Variants in COBL observed in about 807,000 individuals in gnomAD.
The protein encoded by COBL is cordon-bleu WH2 repeat protein.
COBL carries 51 observed loss-of-function variants against 98.8 expected under a neutral mutation model. The observed-to-expected ratio is 0.52, with a 90% CI of 0.41 to 0.65. The LOEUF is 0.65. COBL is among the 30% of genes least tolerant of loss of function. The pLI is 0.00. For synonymous variants in COBL, 634 were observed against 651.7 expected (o/e 0.97, Z 0.41); for missense variants, 1,617 against 1,617.5 (o/e 1.00, Z 0.01).
Position 51,027,805 on chromosome 7 carries a change from A to T in COBL, c.3291T>A (p.Pro1097=), listed in dbSNP as rs143645017. The change falls in exon 10 of 13, where the codon CCT becomes CCA. Residue 1097 remains proline (P), a synonymous_variant. Transcript: ENST00000265136. ...CTTTTGGGACTGGTCTCTGGACAAC[A>T]GGTTTGAATTTTTTCTTCGGCCCAA... ...SIFGPKKKFK[P]VVQRPVPKDT... 96 of 1,614,064 alleles carry T rather than the reference A, an allele frequency of 5.9e-5. No individual in the cohort carries two copies. Among genetic ancestry groups the T allele is most frequent in the Middle Eastern group, 4.9e-4 (3 of 6,084 alleles).
At chr7:51,098,201 T>C (rs1411857599) in intron 6 of COBL, among the ~76,000 whole-genome samples, 1 of 147,514 alleles carries the variant, frequency 6.8e-6, no homozygotes, top group East Asian at 2.0e-4. Context: ...AAGCAATCAC[T>C]ACCAAAATCC....
chr7:51,245,310 A>C (rs1184276597), intron 1 of COBL, among the ~76,000 whole-genome samples: 3 of 152,186 alleles, frequency 2.0e-5, no homozygotes, highest in Non-Finnish European at 4.4e-5. Context: ...TCTAAAACCC[A>C]GCCCATACTC....
chr7:51,232,550 A>G (rs945227996), intron 1 of COBL, among the ~76,000 whole-genome samples: 2 of 152,114 alleles, frequency 1.3e-5, no homozygotes, highest in Admixed American at 6.5e-5. Context: ...GGTGGCTCAC[A>G]CCTGCAATCC....
At chr7:51,118,892 G>GT in intron 6 of COBL, among the ~76,000 whole-genome samples, 1 of 152,202 alleles carries the variant, frequency 6.6e-6, no homozygotes, top group Non-Finnish European at 1.5e-5. Flanking sequence ...CCAGAGCACA[G>GT]TATCTGCAAA....
At chr7:51,148,064 A>G (rs1264302548) in intron 5 of COBL, among the ~76,000 whole-genome samples, 1 of 152,214 alleles carries the variant, frequency 6.6e-6, no homozygotes, top group Non-Finnish European at 1.5e-5. Flanking sequence ...ACCCAGCCAC[A>G]TTGATTTATT....
At chr7:51,101,544 T>C (rs536171280) in intron 6 of COBL, among the ~76,000 whole-genome samples, 1 of 152,344 alleles carries the variant, frequency 6.6e-6, no homozygotes, top group East Asian at 1.9e-4. Flanking sequence ...CTTTAACCAC[T>C]GTCCTTACCT....
chr7:51,039,561 T>C (rs546326767), intron 8 of COBL, among the ~76,000 whole-genome samples: 1 of 152,382 alleles, frequency 6.6e-6, no homozygotes, highest in South Asian at 2.1e-4. Flanking sequence ...CACACTATTT[T>C]CATCAAAAGA....
chr7:51,289,521 G>A (rs938342461), intron 1 of COBL, among the ~76,000 whole-genome samples: 2 of 152,202 alleles, frequency 1.3e-5, no homozygotes, highest in African/African-American at 2.4e-5. Context: ...GGGCTCAGAG[G>A]ACCTTCATGT....
chr7:51,096,676 T>C (rs1253730484), intron 6 of COBL, among the ~76,000 whole-genome samples: 2 of 151,942 alleles, frequency 1.3e-5, no homozygotes, highest in Non-Finnish European at 2.9e-5. Context: ...CAAGTGATGC[T>C]ACAAAAACAA....
chr7:51,286,573 C>A (rs956057297), intron 1 of COBL, among the ~76,000 whole-genome samples: 3 of 152,286 alleles, frequency 2.0e-5, no homozygotes, highest in African/African-American at 7.2e-5. Context: ...CCATCTCACA[C>A]TAGTCAGGAC....
intron 6 of COBL, among the ~76,000 whole-genome samples, chr7:51,104,935 T>A (rs1796122100): frequency 6.6e-6 from 1 of 152,020 alleles, no homozygotes; most frequent in African/African-American, 2.4e-5. Context: ...AAAGTCACAA[T>A]AAGCGAACAC....
At chr7:51,192,839 T>C (rs1790241056) in intron 3 of COBL, among the ~76,000 whole-genome samples, 1 of 152,166 alleles carries the variant, frequency 6.6e-6, no homozygotes, top group African/African-American at 2.4e-5. Context: ...TCAGGAAGAA[T>C]TCTAGAACTA....
chr7:51,058,117 T>G (rs1286045648), intron 7 of COBL, among the ~76,000 whole-genome samples: 5 of 152,250 alleles, frequency 3.3e-5, no homozygotes, highest in Non-Finnish European at 5.9e-5. Flanking sequence ...GTAATCTTTT[T>G]TTTTTAGAAG....
intron 7 of COBL, chr7:51,065,389 G>T (rs551172936): frequency 1.7e-5 from 12 of 703,356 alleles, no homozygotes; most frequent in Non-Finnish European, 2.3e-5. Flanking sequence ...TGCTGTGCCC[G>T]GGGCTGTGGT....
intron 7 of COBL, chr7:51,083,021 C>T: frequency 1.3e-6 from 2 of 1,530,412 alleles, no homozygotes; most frequent in Non-Finnish European, 1.8e-6. Context: ...GAGAGATGAA[C>T]AGTTAACACA....
chr7:51,024,645 A>G (rs1283501650), intron 12 of COBL, among the ~76,000 whole-genome samples: 1 of 144,914 alleles, frequency 6.9e-6, no homozygotes, highest in East Asian at 2.0e-4. Flanking sequence ...GAATGCAAGC[A>G]TGTACGAGTG....
chr7:51,184,392 A>G (rs1422929172), intron 4 of COBL, among the ~76,000 whole-genome samples, 193 bp from the exon 5 acceptor site: 3 of 152,208 alleles, frequency 2.0e-5, no homozygotes, highest in African/African-American at 2.4e-5. Context: ...GGAAATCACT[A>G]CAGGTTCTTA....
intron 7 of COBL, among the ~76,000 whole-genome samples, chr7:51,074,283 A>G (rs886177135): frequency 4.9e-5 from 7 of 142,538 alleles, no homozygotes; most frequent in African/African-American, 1.3e-4. Context: ...GCAACCTCCA[A>G]CTCCCTGATT....
At chr7:51,162,935 C>T (rs1264111892) in intron 5 of COBL, among the ~76,000 whole-genome samples, 1 of 152,214 alleles carries the variant, frequency 6.6e-6, no homozygotes, top group Admixed American at 6.5e-5. Context: ...AAAGCCAATA[C>T]TCACTGCAAT....
Sources: gnomAD v4.1 joint callset for allele counts (sites outside exome capture counted in the v4.1 genomes callset) on GRCh38, gnomAD v4.1.1 for gene constraint, MANE v1.5 for transcripts, NCBI Gene and HGNC (gene_info 2026-07-23, HGNC 2026-07-21) for gene names.